The following CECR2 variants were observed in gnomAD, a reference collection of about 807,000 sequenced individuals.
CECR2 encodes chromatin remodeling regulator CECR2.
CECR2 carries 30 observed loss-of-function variants against 154.5 expected under a neutral mutation model. That is an observed-to-expected ratio of 0.19 (90% confidence interval 0.15 to 0.26). CECR2 has a LOEUF of 0.26. CECR2 is among the 10% of genes least tolerant of loss of function. CECR2 has a pLI of 1.00. For synonymous variants in CECR2, 725 were observed against 683.7 expected (o/e 1.06, Z -0.94); for missense variants, 1,743 against 1,829.3 (o/e 0.95, Z 0.86).
At chr22:17,473,110 G>C (rs535605940) in intron 1 of CECR2, among the ~76,000 whole-genome samples, 1 of 152,302 alleles carries the variant, frequency 6.6e-6, no homozygotes, top group African/African-American at 2.4e-5. Flanking sequence ...CTAATGAGCT[G>C]TGATGCCAGC....
chr22:17,373,222 C>T (rs543449316), intron 1 of CECR2, among the ~76,000 whole-genome samples: 2 of 152,144 alleles, frequency 1.3e-5, no homozygotes, highest in East Asian at 3.9e-4. Context: ...ACCAGCACAC[C>T]CGGCTAATTT....
At chr22:17,364,362 A>AAAAAAATG (rs1491212019) in intron 1 of CECR2, among the ~76,000 whole-genome samples, 1 of 133,412 alleles carries the variant, frequency 7.5e-6, no homozygotes, top group Non-Finnish European at 1.5e-5. Context: ...AAAAAAAAAA[A>AAAAAAATG]GAATTTGTGC....
At chr22:17,462,076 C>T (rs1443750219) in intron 1 of CECR2, among the ~76,000 whole-genome samples, 1 of 151,842 alleles carries the variant, frequency 6.6e-6, no homozygotes, top group South Asian at 2.1e-4. Context: ...CAGGCATGAG[C>T]CACCATGCTC....
At chr22:17,370,936 C>T (rs1225691810) in intron 1 of CECR2, among the ~76,000 whole-genome samples, 2 of 152,178 alleles carry the variant, frequency 1.3e-5, no homozygotes, top group Admixed American at 6.5e-5. Flanking sequence ...AGGTGAATGG[C>T]AACTGCGTTG....
chr22:17,511,730 T>TGGC (rs2055957932), intron 7 of CECR2, 83 bp from the exon 8 acceptor site: 2 of 1,226,578 alleles, frequency 1.6e-6, no homozygotes, highest in Non-Finnish European at 2.3e-6. Flanking sequence ...ACTTTTTTAC[T>TGGC]GGCGGCAGCA....
At chr22:17,378,563 GGT>G (rs2063148198) in intron 1 of CECR2, among the ~76,000 whole-genome samples, 1 of 152,242 alleles carries the variant, frequency 6.6e-6, no homozygotes, top group Admixed American at 6.5e-5. Flanking sequence ...TGGGATTACA[GGT>G]GTGAGCCGGC....
At chr22:17,502,495 A>C (rs2055756918) in intron 5 of CECR2, among the ~76,000 whole-genome samples, 1 of 152,220 alleles carries the variant, frequency 6.6e-6, no homozygotes, top group Admixed American at 6.5e-5. Context: ...TGATTTCCAA[A>C]AAAAGCTTTA....
chr22:17,550,957 T>C (rs1355966835), intron 17 of CECR2, among the ~76,000 whole-genome samples: 2 of 152,018 alleles, frequency 1.3e-5, no homozygotes, highest in East Asian at 1.9e-4. Context: ...AAAAAAGTTA[T>C]GAAGCATAGT....
intron 1 of CECR2, among the ~76,000 whole-genome samples, chr22:17,404,639 C>G (rs1047257707): frequency 6.6e-6 from 1 of 151,336 alleles, no homozygotes; most frequent in Admixed American, 6.6e-5. Flanking sequence ...TCCCAAAGTG[C>G]TGGGATTACA....
intron 1 of CECR2, among the ~76,000 whole-genome samples, chr22:17,395,647 A>G (rs2053797673): frequency 6.6e-6 from 1 of 152,126 alleles, no homozygotes; most frequent in Admixed American, 6.5e-5. Context: ...TGCCCAGCTG[A>G]CATTTGACTC....
At chr22:17,552,613 C>T (rs569518225) in intron 18 of CECR2, among the ~76,000 whole-genome samples, 2 of 152,126 alleles carry the variant, frequency 1.3e-5, no homozygotes, top group East Asian at 1.9e-4. Context: ...ATCATCATTT[C>T]CCAGTGTGCA....
intron 9 of CECR2, among the ~76,000 whole-genome samples, chr22:17,525,650 C>A (rs1427031195): frequency 6.6e-6 from 1 of 152,200 alleles, no homozygotes; most frequent in African/African-American, 2.4e-5. Flanking sequence ...CAGGTTTAGC[C>A]TGTGTCATAC....
chr22:17,402,780 G>A (rs183527823), intron 1 of CECR2, among the ~76,000 whole-genome samples: 4 of 114,170 alleles, frequency 3.5e-5, no homozygotes, highest in Non-Finnish European at 6.8e-5. Context: ...TTTTGGAGAC[G>A]TAGTTTCACT....
At chr22:17,404,744 C>T (rs917322070) in intron 1 of CECR2, among the ~76,000 whole-genome samples, 1 of 152,156 alleles carries the variant, frequency 6.6e-6, no homozygotes, top group African/African-American at 2.4e-5. Context: ...TTAATTAGTG[C>T]AGCTTTTAAT....
At chr22:17,362,901 CAAAA>C (rs372498587) in intron 1 of CECR2, among the ~76,000 whole-genome samples, 3 of 82,154 alleles carry the variant, frequency 3.7e-5, no homozygotes, top group African/African-American at 4.5e-5. Context: ...AACTCCGTCT[CAAAA>C]AAAAAAAAAA....
chr22:17,389,508 G>A (rs112558404), intron 1 of CECR2, among the ~76,000 whole-genome samples: 1 of 152,038 alleles, frequency 6.6e-6, no homozygotes, highest in Non-Finnish European at 1.5e-5. Context: ...GGGGTCTCAC[G>A]CTGTGTTGCC....
At chr22:17,374,941 A>G (rs2063100345) in intron 1 of CECR2, among the ~76,000 whole-genome samples, 1 of 151,960 alleles carries the variant, frequency 6.6e-6, no homozygotes, top group East Asian at 1.9e-4. Flanking sequence ...CTGCTTCTGC[A>G]GGTCTTATTA....
chr22:17,409,070 C>T (rs891238391), intron 1 of CECR2, among the ~76,000 whole-genome samples: 1 of 152,196 alleles, frequency 6.6e-6, no homozygotes, highest in Non-Finnish European at 1.5e-5. Context: ...ATGCCCTGAT[C>T]AGCCTATCTA....
At chr22:17,438,247 A>AG (rs1229709764) in intron 1 of CECR2, among the ~76,000 whole-genome samples, 3 of 152,226 alleles carry the variant, frequency 2.0e-5, no homozygotes, top group Non-Finnish European at 2.9e-5. Flanking sequence ...CAACCTGAAC[A>AG]GGGCTTATCT....
Sources: gnomAD v4.1 joint callset for allele counts (sites outside exome capture counted in the v4.1 genomes callset) on GRCh38, gnomAD v4.1.1 for gene constraint, MANE v1.5 for transcripts, NCBI Gene and HGNC (gene_info 2026-07-23, HGNC 2026-07-21) for gene names.